SLC8A3: variants seen among roughly 807,000 people sequenced by gnomAD.
The protein encoded by SLC8A3 is solute carrier family 8 member A3.
Under a neutral mutation model 65.4 loss-of-function variants are expected in SLC8A3, and 37 were observed. The ratio of observed to expected loss-of-function variants is 0.57; its 90% CI spans 0.44 to 0.74. SLC8A3 has a LOEUF of 0.74. Among genes scored for constraint, SLC8A3 ranks in the 30% least tolerant of loss-of-function variants. SLC8A3 has a pLI of 0.00. For missense variants in SLC8A3, 1,112 were observed against 1,172.1 expected (o/e 0.95, Z 0.75); for synonymous variants, 461 against 444.5 (o/e 1.04, Z -0.47).
chr14:70,114,564 T>C (rs974834597), intron 2 of SLC8A3, among the ~76,000 whole-genome samples: 3 of 152,134 alleles, frequency 2.0e-5, no homozygotes, highest in African/African-American at 4.8e-5. Flanking sequence ...TTGTTGGAGG[T>C]TGGTTTCAAA....
chr14:70,168,515 A>T, intron 1 of SLC8A3, 31 bp from the exon 2 acceptor site: 1 of 1,032,826 alleles, frequency 9.7e-7, no homozygotes, highest in Non-Finnish European at 1.4e-6. Context: ...AGGAAAAGGC[A>T]TGAGGAAAAA....
intron 1 of SLC8A3, among the ~76,000 whole-genome samples, chr14:70,172,307 G>A (rs1897597555): frequency 6.6e-6 from 1 of 152,092 alleles, no homozygotes; most frequent in South Asian, 2.1e-4. Context: ...CTTATATTTT[G>A]GGAAACTGAG....
intron 2 of SLC8A3, among the ~76,000 whole-genome samples, chr14:70,151,750 T>A (rs1422515316): frequency 6.6e-6 from 1 of 152,172 alleles, no homozygotes; most frequent in African/African-American, 2.4e-5. Context: ...CAGGACTGAT[T>A]CCTTCTAGAG....
chr14:70,066,095 G>A (rs1889396286), intron 2 of SLC8A3, among the ~76,000 whole-genome samples: 1 of 152,226 alleles, frequency 6.6e-6, no homozygotes, highest in African/African-American at 2.4e-5. Flanking sequence ...AGTGGCAAGA[G>A]TAACTTAGGT....
intron 2 of SLC8A3, among the ~76,000 whole-genome samples, chr14:70,141,098 G>A (rs560978268): frequency 3.3e-5 from 5 of 152,316 alleles, no homozygotes; most frequent in East Asian, 3.9e-4. Context: ...CTGATTTATC[G>A]AGTACTTACT....
At chr14:70,118,552 G>T (rs10136228) in intron 2 of SLC8A3, among the ~76,000 whole-genome samples, 1 of 151,974 alleles carries the variant, frequency 6.6e-6, no homozygotes, top group Non-Finnish European at 1.5e-5. Context: ...CTGATTCTAG[G>T]GGCATAATTC....
chr14:70,085,425 C>T (rs2140026548), intron 2 of SLC8A3, among the ~76,000 whole-genome samples: 1 of 152,246 alleles, frequency 6.6e-6, no homozygotes, highest in South Asian at 2.1e-4. Context: ...CCTGATTTCT[C>T]CTGGATAGCA....
chr14:70,175,232 G>A (rs1454663293), intron 1 of SLC8A3, among the ~76,000 whole-genome samples: 1 of 152,094 alleles, frequency 6.6e-6, no homozygotes, highest in Non-Finnish European at 1.5e-5. Context: ...TATTCATCAG[G>A]CACCTACTCT....
At chr14:70,165,051 G>A (rs1156950864) in intron 2 of SLC8A3, among the ~76,000 whole-genome samples, 1 of 152,138 alleles carries the variant, frequency 6.6e-6, no homozygotes, top group Non-Finnish European at 1.5e-5. Flanking sequence ...TTTTTGGCAA[G>A]TGCGAATATG....
intron 2 of SLC8A3, among the ~76,000 whole-genome samples, chr14:70,164,061 T>C (rs542856210): frequency 3.3e-5 from 5 of 152,314 alleles, no homozygotes; most frequent in African/African-American, 1.2e-4. Flanking sequence ...AATTCGTCAA[T>C]ATTACTATGA....
At chr14:70,084,902 T>C (rs747293540) in intron 2 of SLC8A3, among the ~76,000 whole-genome samples, 10 of 152,098 alleles carry the variant, frequency 6.6e-5, no homozygotes, top group Non-Finnish European at 1.2e-4. Context: ...GAATGAGTAA[T>C]AACGTTTATA....
At chr14:70,130,176 C>A (rs748125264) in intron 2 of SLC8A3, among the ~76,000 whole-genome samples, 7 of 152,234 alleles carry the variant, frequency 4.6e-5, no homozygotes, top group Non-Finnish European at 1.5e-5. Context: ...TCGGTAGGAG[C>A]TTCAGACCCT....
intron 2 of SLC8A3, among the ~76,000 whole-genome samples, chr14:70,140,534 T>C (rs1036442232): frequency 6.6e-6 from 1 of 152,208 alleles, no homozygotes; most frequent in African/African-American, 2.4e-5. Flanking sequence ...AGCCATGGAT[T>C]TGTGTCCTTG....
intron 2 of SLC8A3, among the ~76,000 whole-genome samples, chr14:70,138,439 C>T (rs12147621): frequency 0.11 from 16,241 of 152,214 alleles, 1,164 homozygotes; most frequent in Non-Finnish European, 0.16. Flanking sequence ...AAAGCAGCTT[C>T]GATGTGACAG....
rs1893918968 is a variant in SLC8A3, at chr14:70,119,751, ACG to A, written c.1784+46886_1784+46887del. Among the ~76,000 whole-genome samples, 7 of 152,328 alleles carry A rather than the reference ACG, an allele frequency of 4.6e-5. No individual in the cohort carries two copies. The South Asian group carries it at 1.5e-3, about 32-fold the overall frequency. On this transcript the variant is annotated intron_variant, in intron 2 of 6. Coordinates refer to ENST00000356921, the MANE Select transcript of SLC8A3 (RefSeq NM_182932.3). ...CTCTACCATCAACTTTTTCATCTAT[ACG>A]TTAAAGAGGACAATAACCTCATAGG...
intron 2 of SLC8A3, among the ~76,000 whole-genome samples, chr14:70,066,931 C>A (rs1260287041): frequency 6.6e-6 from 1 of 152,196 alleles, no homozygotes; most frequent in African/African-American, 2.4e-5. Flanking sequence ...CAATCCCTTC[C>A]CCACATTATA....
At chr14:70,086,191 G>A (rs1891419084) in intron 2 of SLC8A3, among the ~76,000 whole-genome samples, 1 of 151,974 alleles carries the variant, frequency 6.6e-6, no homozygotes, top group Non-Finnish European at 1.5e-5. Context: ...CCTTCAACTT[G>A]ATGAGACAGG....
At chr14:70,168,856 G>A (rs972899180) in intron 1 of SLC8A3, among the ~76,000 whole-genome samples, 2 of 152,086 alleles carry the variant, frequency 1.3e-5, no homozygotes, top group South Asian at 2.1e-4. Flanking sequence ...TGGGGTGTTC[G>A]GACTTCCTTA....
chr14:70,144,888 T>C (rs150131186), intron 2 of SLC8A3, among the ~76,000 whole-genome samples: 12 of 152,340 alleles, frequency 7.9e-5, no homozygotes, highest in African/African-American at 1.9e-4. Flanking sequence ...ATTTCTAAAA[T>C]GGCAGTATCA....
Sources: gnomAD v4.1 joint callset for allele counts (sites outside exome capture counted in the v4.1 genomes callset) on GRCh38, gnomAD v4.1.1 for gene constraint, MANE v1.5 for transcripts, NCBI Gene and HGNC (gene_info 2026-07-23, HGNC 2026-07-21) for gene names.